STK17B: variants seen among roughly 807,000 people sequenced by gnomAD.
The protein encoded by STK17B is serine/threonine-protein kinase 17B.
STK17B carries 21 observed loss-of-function variants against 42.0 expected under a neutral mutation model. The observed-to-expected ratio is 0.50, with a 90% confidence interval of 0.35 to 0.72. The LOEUF is 0.72. Among genes scored for constraint, STK17B ranks in the 30% least tolerant of loss-of-function variants. The probability of loss-of-function intolerance (pLI) is 0.00; values close to 1 mark genes in which losing one functional copy is unlikely to be tolerated. For synonymous variants in STK17B, 143 were observed against 148.4 expected, an observed-to-expected ratio of 0.96 and a Z score of 0.26; for missense variants, 349 against 446.0, an observed-to-expected ratio of 0.78 and a Z score of 1.96.
In STK17B at chr2:196,163,276, A is replaced by G. The variant is rs1328889100; in HGVS notation, c.108T>C (p.Ser36=). ...GGTTTTCTTACCTCCCTAGCTCTTT[A>G]GATGTAAGTATATAGAAATTATTAA... ...ENFNNFYILT[S]KELGRGKFAV... The change falls in exon 2 of 8, where the codon TCT becomes TCC. Residue 36 remains serine, a synonymous_variant. Transcript: ENST00000263955. The G allele has an allele frequency of 6.2e-7, 1 of 1,608,846 alleles. No homozygotes were observed. Among genetic ancestry groups the G allele is most frequent in the East Asian group, 2.2e-5 (1 of 44,726 alleles).
At position 196,137,940 on chromosome 2, in the gene STK17B, G is replaced by A. The variant is rs1430483741; in HGVS notation, c.837-211C>T. Among the ~76,000 whole-genome samples, 4 of 152,032 alleles carry A rather than the reference G, an allele frequency of 2.6e-5. No individual in the cohort carries two copies. In the East Asian group the frequency reaches 7.7e-4, roughly 29 times the overall value. Reference sequence around the variant, plus strand: ...TTATATGCCAGGGACTATTCTATACGCTTCAAATACATTATTTAACAATCA... The same window carrying A: ...TTATATGCCAGGGACTATTCTATACACTTCAAATACATTATTTAACAATCA... On this transcript the variant is annotated intron_variant, in intron 7 of 7. Transcript: ENST00000263955.
chr2:196,138,176 C>A (rs1329134263), intron 7 of STK17B, among the ~76,000 whole-genome samples: 1 of 152,208 alleles, frequency 6.6e-6, no homozygotes, highest in African/African-American at 2.4e-5. Flanking sequence ...TCCCCAATCC[C>A]ACTTCCAGAT....
intron 3 of STK17B, among the ~76,000 whole-genome samples, chr2:196,148,355 T>C (rs940640984): frequency 1.3e-5 from 2 of 152,206 alleles, no homozygotes; most frequent in African/African-American, 4.8e-5. Context: ...CTACACTGTT[T>C]AGTTTCAATG....
chr2:196,171,103 C>T (rs1401723), intron 1 of STK17B: 72,070 of 152,452 alleles, frequency 0.47, 19,914 homozygotes, highest in South Asian at 0.63. Context: ...GGAGGACCGC[C>T]GGCCGCCCCC....
intron 5 of STK17B, among the ~76,000 whole-genome samples, chr2:196,142,101 C>G (rs1699502723): frequency 6.6e-6 from 1 of 152,150 alleles, no homozygotes; most frequent in Admixed American, 6.5e-5. Context: ...GTTGCCCAGG[C>G]TGGAGTACAA....
upstream of STK17B, among the ~76,000 whole-genome samples, chr2:196,174,064 A>G (rs1472534797): frequency 6.6e-6 from 1 of 152,176 alleles, no homozygotes; most frequent in Non-Finnish European, 1.5e-5. Flanking sequence ...TTCAGAAGAA[A>G]CAAGACCTGC....
rs1415931641 is a variant in STK17B at position 196,135,759 on chromosome 2, CAG to C, written c.*1686_*1687del. The C allele has an allele frequency of 9.3e-6, 1 of 107,914 alleles. No homozygotes were observed. The highest frequency in any genetic ancestry group is 3.7e-5 in the African/African-American group (1 of 26,928). 6.7% of individuals were successfully genotyped at this position (107,914 alleles called of 1,614,324 possible). ...TGCCACTGCACTCCAGCCTGAGAGA[CAG>C]AGCAAAACTCCATCTCAAAAAAAAA... On this transcript the variant is annotated 3_prime_UTR_variant, in exon 8 of 8. Transcript: ENST00000263955.
At chr2:196,174,982 T>C (rs546198731), upstream of STK17B, among the ~76,000 whole-genome samples, 9 of 152,348 alleles carry the variant, frequency 5.9e-5, no homozygotes, top group East Asian at 1.9e-4. Context: ...CTGCAGTTTA[T>C]AGAGTATAAC....
chr2:196,167,319 A>AAC (rs1699885749), intron 1 of STK17B, among the ~76,000 whole-genome samples: 1 of 152,242 alleles, frequency 6.6e-6, no homozygotes, highest in South Asian at 2.1e-4. Context: ...GTGCCTAAGC[A>AAC]ACCAGCATGG....
Position 196,135,781 on chromosome 2 carries a change from A to T in STK17B, c.*1666T>A, listed in dbSNP as rs1158713367. On this transcript the variant is annotated 3_prime_UTR_variant, in exon 8 of 8. Coordinates refer to ENST00000263955, the MANE Select transcript of STK17B (RefSeq NM_004226.4). ...AGACAGAGCAAAACTCCATCTCAAA[A>T]AAAAAAAAAAAAAAAAAAAGCTCCT... 3 of 150,298 alleles carry T rather than the reference A, an allele frequency of 2.0e-5. No homozygotes were observed. Among genetic ancestry groups the T allele is most frequent in the South Asian group, 2.1e-4 (1 of 4,798 alleles). The allele number at this position is 150,298 out of a possible 1,614,324, so 9.3% of individuals were successfully genotyped here. A position where few individuals can be genotyped will look rare whatever the true frequency, so the allele number is the denominator to read the frequency against.
intron 3 of STK17B, among the ~76,000 whole-genome samples, chr2:196,146,624 A>G (rs1699580152): frequency 6.6e-6 from 1 of 152,326 alleles, no homozygotes; most frequent in African/African-American, 2.4e-5. Context: ...GCCTGCCTTC[A>G]CTGCAATAAA....
intron 1 of STK17B, among the ~76,000 whole-genome samples, chr2:196,166,617 G>T (rs1287938764): frequency 1.3e-5 from 2 of 151,818 alleles, no homozygotes; most frequent in African/African-American, 4.8e-5. Context: ...TACAAATAAT[G>T]GTATCTCACT....
chr2:196,141,879 A>G (rs1392682100), intron 5 of STK17B, among the ~76,000 whole-genome samples: 1 of 151,614 alleles, frequency 6.6e-6, no homozygotes, highest in African/African-American at 2.4e-5. Context: ...ATCTCAGAAA[A>G]AAACAATTAT....
intron 1 of STK17B, among the ~76,000 whole-genome samples, chr2:196,169,281 G>A (rs1352594748): frequency 2.0e-5 from 3 of 151,844 alleles, no homozygotes; most frequent in African/African-American, 7.3e-5. Context: ...TCACCATATT[G>A]GTCTCGAACG....
intron 2 of STK17B, among the ~76,000 whole-genome samples, chr2:196,158,237 G>A (rs1433278243): frequency 6.6e-6 from 1 of 152,108 alleles, no homozygotes; most frequent in East Asian, 1.9e-4. Flanking sequence ...GGACTACACT[G>A]CTTGACTGTA....
At chr2:196,157,196 C>T (rs1699751982) in intron 2 of STK17B, among the ~76,000 whole-genome samples, 1 of 151,486 alleles carries the variant, frequency 6.6e-6, no homozygotes, top group Non-Finnish European at 1.5e-5. Context: ...GGGAAATAAT[C>T]TCATTTGCAC....
intron 5 of STK17B, among the ~76,000 whole-genome samples, chr2:196,142,239 G>T (rs1247641360): frequency 6.6e-6 from 1 of 152,060 alleles, no homozygotes; most frequent in Non-Finnish European, 1.5e-5. Context: ...TGTATTTTTA[G>T]TAGAGATGGG....
At chr2:196,160,099 C>T (rs909846142) in intron 2 of STK17B, among the ~76,000 whole-genome samples, 4 of 152,104 alleles carry the variant, frequency 2.6e-5, no homozygotes, top group African/African-American at 4.8e-5. Flanking sequence ...GTAATTGAAA[C>T]ATTTAAGAAA....
chr2:196,142,161 C>T (rs568493643), intron 5 of STK17B, among the ~76,000 whole-genome samples: 6 of 152,200 alleles, frequency 3.9e-5, no homozygotes, highest in African/African-American at 1.2e-4. Context: ...TGGATTCAAG[C>T]GATTCTCCTG....
Sources: gnomAD v4.1 joint callset for allele counts (sites outside exome capture counted in the v4.1 genomes callset) on GRCh38, gnomAD v4.1.1 for gene constraint, MANE v1.5 for transcripts, NCBI Gene and HGNC (gene_info 2026-07-23, HGNC 2026-07-21) for gene names.